CNKSR2: variants seen among roughly 807,000 people sequenced by gnomAD.
CNKSR2 encodes the protein CNK homolog protein 2.
A neutral mutation model predicts 84.4 loss-of-function variants in CNKSR2; 14 were observed. The ratio of observed to expected loss-of-function variants is 0.17; its 90% CI spans 0.11 to 0.26. CNKSR2 has a LOEUF of 0.26. Ranked by LOEUF, CNKSR2 falls within the 10% of genes least tolerant of loss-of-function variation. The probability of loss-of-function intolerance (pLI) is 1.00; values close to 1 mark genes in which losing one functional copy is unlikely to be tolerated. For synonymous variants in CNKSR2, 275 were observed against 277.9 expected, an observed-to-expected ratio of 0.99 and a Z score of 0.10; for missense variants, 485 against 771.2, an observed-to-expected ratio of 0.63 and a Z score of 4.40.
intron 20 of CNKSR2, among the ~76,000 whole-genome samples, chrX:21,609,850 T>A (rs1480670251): frequency 9.0e-6 from 1 of 111,515 alleles, no homozygotes; most frequent in Non-Finnish European, 1.9e-5. Flanking sequence ...AGCAAATAAT[T>A]TTTTTCTCCA....
intron 5 of CNKSR2, among the ~76,000 whole-genome samples, chrX:21,487,116 G>A (rs749631296): frequency 8.9e-6 from 1 of 111,976 alleles, no homozygotes; most frequent in South Asian, 3.7e-4. Flanking sequence ...ACTCCTGATA[G>A]CTTTGCTGGT....
At chrX:21,495,822 A>AAAAAAAAAC (rs1231075186) in intron 6 of CNKSR2, 3 of 75,877 alleles carry the variant, frequency 4.0e-5, no homozygotes, top group African/African-American at 9.8e-5. Flanking sequence ...AAAAAAAAAA[A>AAAAAAAAAC]CACGAAAAAT....
chrX:21,595,023 G>T lies in CNKSR2; in HGVS notation c.1880G>T (p.Arg627Ile). The stretch of plus-strand genomic sequence containing the variant: ...AGCCTGCCTGAATTTAAAATTGATA[G>T]AGCCAGTGAATGCCGCAAAAAATAG... ...FISLPEFKID[R>I]ASECRKKYAF... The change falls in exon 16 of 22, where the codon AGA becomes ATA. Residue 627 changes from arginine to isoleucine, a missense_variant. Transcript: ENST00000379510. The T allele has an allele frequency of 8.3e-7, 1 of 1,204,098 alleles. No homozygotes were observed. The highest frequency in any genetic ancestry group is 1.1e-6 in the Non-Finnish European group (1 of 889,722).
chrX:21,502,071 T>A (rs769984436), intron 8 of CNKSR2, among the ~76,000 whole-genome samples: 21 of 106,683 alleles, frequency 2.0e-4, no homozygotes, highest in African/African-American at 6.4e-4. Flanking sequence ...TTGAAAATTT[T>A]AAAATTTTTA....
At chrX:21,376,321 C>T (rs1325627624) in intron 1 of CNKSR2, among the ~76,000 whole-genome samples, 2 of 112,181 alleles carry the variant, frequency 1.8e-5, no homozygotes, top group Non-Finnish European at 1.9e-5. Flanking sequence ...CTTTTATTCC[C>T]TTACTTGCCC....
At chrX:21,649,796 C>T (rs1015970650) in intron 21 of CNKSR2, among the ~76,000 whole-genome samples, 2 of 111,671 alleles carry the variant, frequency 1.8e-5, no homozygotes, top group Non-Finnish European at 3.8e-5. Flanking sequence ...AAACAGAAGA[C>T]ATTTATGCAG....
Position 21,652,560 on chromosome X carries a change from C to CTAGA in CNKSR2, c.*40_*41insAGAT. ...TCAGACCATCTAGTACCTGCTGGTA[C>CTAGA]TCTGAACAAGTATATAAGGTAGTTT... is the stretch of plus-strand genomic sequence containing the variant. On this transcript the variant is annotated 3_prime_UTR_variant, in exon 22 of 22. Coordinates refer to ENST00000379510, the MANE Select transcript of CNKSR2 (RefSeq NM_014927.5). 1 of 1,020,919 alleles carries CTAGA rather than the reference C, an allele frequency of 9.8e-7. No homozygotes were observed. The highest frequency in any genetic ancestry group is 1.4e-6 in the Non-Finnish European group (1 of 726,024). The allele number at this position is 1,020,919 out of a possible 1,213,427, so 84.1% of individuals were successfully genotyped here.
chrX:21,562,441 A>G (rs185041380), intron 12 of CNKSR2, among the ~76,000 whole-genome samples: 35 of 112,045 alleles, frequency 3.1e-4, no homozygotes, highest in Admixed American at 9.5e-4. Context: ...TGGACAAGCA[A>G]GCATGAATAT....
intron 4 of CNKSR2, among the ~76,000 whole-genome samples, chrX:21,466,617 C>T (rs1177331717): frequency 9.0e-6 from 1 of 111,264 alleles, no homozygotes; most frequent in Non-Finnish European, 1.9e-5. Context: ...CAGAGTCTCA[C>T]TCTGTCACCC....
intron 9 of CNKSR2, among the ~76,000 whole-genome samples, chrX:21,526,645 G>A (rs1382726350): frequency 1.8e-5 from 2 of 111,179 alleles, no homozygotes; most frequent in Admixed American, 1.9e-4. Context: ...AGGTGAGTTG[G>A]GAGTGAAGTG....
intron 20 of CNKSR2, among the ~76,000 whole-genome samples, chrX:21,628,801 T>G (rs2092635514): frequency 8.9e-6 from 1 of 112,165 alleles, no homozygotes; most frequent in Admixed American, 9.4e-5. Context: ...TGCAAAGGTC[T>G]CTGACATACC....
chrX:21,520,832 T>A (rs2147103837), intron 9 of CNKSR2, among the ~76,000 whole-genome samples: 1 of 110,269 alleles, frequency 9.1e-6, no homozygotes, highest in Admixed American at 9.7e-5. Context: ...GTTCCTAAAT[T>A]GTATTCTCAT....
At chrX:21,462,761 T>A in intron 4 of CNKSR2, among the ~76,000 whole-genome samples, 1 of 106,631 alleles carries the variant, frequency 9.4e-6, no homozygotes, top group Middle Eastern at 4.7e-3. Flanking sequence ...TCGCCCAGGT[T>A]GGAGTACGGT....
chrX:21,434,812 A>C (rs1373296162), intron 3 of CNKSR2, among the ~76,000 whole-genome samples: 1 of 109,841 alleles, frequency 9.1e-6, no homozygotes, highest in Non-Finnish European at 1.9e-5. Flanking sequence ...GGTTAAAAAA[A>C]ATCTTTAATT....
chrX:21,521,185 ATCTGTT>A (rs1370422670), intron 9 of CNKSR2, among the ~76,000 whole-genome samples: 1 of 110,676 alleles, frequency 9.0e-6, no homozygotes, highest in African/African-American at 3.3e-5. Flanking sequence ...AAAAAAATTT[ATCTGTT>A]TCTGAGAGTT....
intron 9 of CNKSR2, among the ~76,000 whole-genome samples, chrX:21,521,761 G>T (rs1257302723): frequency 9.1e-6 from 1 of 110,288 alleles, no homozygotes; most frequent in Non-Finnish European, 1.9e-5. Flanking sequence ...ATGGTTTTCT[G>T]ATCAAATCTG....
chrX:21,477,051 A>G (rs1417921108), intron 5 of CNKSR2, among the ~76,000 whole-genome samples: 1 of 111,984 alleles, frequency 8.9e-6, no homozygotes, highest in Non-Finnish European at 1.9e-5. Context: ...AAGTCATTTC[A>G]GAGCTTGTGC....
intron 4 of CNKSR2, among the ~76,000 whole-genome samples, chrX:21,453,746 G>C (rs1601810166): frequency 8.9e-6 from 1 of 111,784 alleles, no homozygotes; most frequent in African/African-American, 3.3e-5. Context: ...TCTGCAGGCT[G>C]TACAGGAAGC....
chrX:21,514,766 T>C (rs897882093), intron 8 of CNKSR2, among the ~76,000 whole-genome samples: 4 of 111,630 alleles, frequency 3.6e-5, no homozygotes, highest in Non-Finnish European at 7.6e-5. Flanking sequence ...TGGTTATCAT[T>C]AATAAGTTGT....
Sources: gnomAD v4.1 joint callset for allele counts (sites outside exome capture counted in the v4.1 genomes callset) on GRCh38, gnomAD v4.1.1 for gene constraint, MANE v1.5 for transcripts, NCBI Gene and HGNC (gene_info 2026-07-23, HGNC 2026-07-21) for gene names.